The following HERC3 variants were observed in gnomAD, a reference collection of about 807,000 sequenced individuals.
HERC3 encodes the protein HECT and RLD domain containing E3 ubiquitin protein ligase 3.
Under a neutral mutation model 129.9 loss-of-function variants are expected in HERC3, and 58 were observed. The observed-to-expected ratio is 0.45, with a 90% CI of 0.36 to 0.56. The LOEUF (loss-of-function observed/expected upper bound fraction) is 0.56, where lower values mean the gene tolerates loss of function less well. Among genes scored for constraint, HERC3 ranks in the 20% least tolerant of loss-of-function variants. HERC3 has a pLI of 0.00. For synonymous variants in HERC3, 430 were observed against 451.0 expected (o/e 0.95, Z 0.59); for missense variants, 835 against 1,244.2 (o/e 0.67, Z 4.95).
At chr4:88,701,570 T>A (rs2924925) in intron 23 of HERC3, among the ~76,000 whole-genome samples, 4 of 151,890 alleles carry the variant, frequency 2.6e-5, no homozygotes, top group African/African-American at 9.7e-5. Context: ...CAAACATTTG[T>A]ATATATGATC....
At chr4:88,665,563 T>C (rs1323288950) in intron 12 of HERC3, among the ~76,000 whole-genome samples, 1 of 152,228 alleles carries the variant, frequency 6.6e-6, no homozygotes, top group Non-Finnish European at 1.5e-5. Flanking sequence ...TTTTCTTTAC[T>C]TAGTCACTAA....
In HERC3 at chr4:88,646,180, A is replaced by G. The variant is rs73844054; in HGVS notation, c.227-3660A>G. On this transcript the variant is annotated intron_variant, in intron 3 of 25. Transcript: ENST00000402738. ...CAACAACCCTGTGCCCTTGCCTTAC[A>G]GGGTTGTTGCAAGGCTTAAGAATCT... Among the ~76,000 whole-genome samples, 68 of 152,328 alleles carry G rather than the reference A, an allele frequency of 4.5e-4. 1 individual carries two copies. Among genetic ancestry groups the G allele is most frequent in the African/African-American group, 1.4e-3 (59 of 41,576 alleles).
chr4:88,598,681 C>G (rs1023879583), intron 2 of HERC3, among the ~76,000 whole-genome samples: 2 of 152,198 alleles, frequency 1.3e-5, no homozygotes, highest in South Asian at 2.1e-4. Context: ...AACACTCTAG[C>G]ACCTTCTCCT....
intron 21 of HERC3, among the ~76,000 whole-genome samples, chr4:88,686,185 C>T (rs935413330): frequency 9.2e-5 from 14 of 152,086 alleles, no homozygotes; most frequent in African/African-American, 1.4e-4. Context: ...TTATGTGTGG[C>T]CCAAGGCAAT....
At chr4:88,615,342 A>G (rs1724790419) in intron 3 of HERC3, among the ~76,000 whole-genome samples, 1 of 152,108 alleles carries the variant, frequency 6.6e-6, no homozygotes, top group Admixed American at 6.6e-5. Flanking sequence ...GGCTACTGGA[A>G]TTCTTTGTAT....
chr4:88,654,039 T>C lies in HERC3; in HGVS notation c.686-3T>C, dbSNP rs1472116120. ...TGATATTCTGATATTTAATTTATTC[T>C]AGATCGAGAATCTCCATGCCATGTA... On this transcript the variant is annotated splice_polypyrimidine_tract_variant and splice_region_variant and intron_variant, in intron 6 of 25. Coordinates refer to ENST00000402738, the MANE Select transcript of HERC3 (RefSeq NM_014606.3). 6 of 1,600,638 alleles carry C rather than the reference T, an allele frequency of 3.7e-6. No homozygotes were observed. The highest frequency in any genetic ancestry group is 5.1e-6 in the Non-Finnish European group (6 of 1,168,212).
intron 2 of HERC3, among the ~76,000 whole-genome samples, chr4:88,602,960 T>A (rs1191822608): frequency 6.6e-6 from 1 of 152,228 alleles, no homozygotes; most frequent in Non-Finnish European, 1.5e-5. Context: ...CTCTGAGGGC[T>A]TATTTTCAAG....
intron 2 of HERC3, among the ~76,000 whole-genome samples, chr4:88,599,736 C>G (rs1186038727): frequency 6.6e-6 from 1 of 152,180 alleles, no homozygotes; most frequent in African/African-American, 2.4e-5. Flanking sequence ...CCCTAGAAAC[C>G]AAGTTATTTA....
intron 2 of HERC3, among the ~76,000 whole-genome samples, chr4:88,604,514 G>A (rs116710855): frequency 6.6e-6 from 1 of 152,160 alleles, no homozygotes; most frequent in Non-Finnish European, 1.5e-5. Context: ...TCTATTGCCT[G>A]TTCTATACAT....
chr4:88,535,919 A>T, the HERC3 span, among the ~76,000 whole-genome samples: 1 of 152,378 alleles, frequency 6.6e-6, no homozygotes, highest in Admixed American at 6.5e-5. Context: ...GTCATAATGT[A>T]AGATAGAAAG....
intron 3 of HERC3, among the ~76,000 whole-genome samples, chr4:88,637,001 C>T (rs181960451): frequency 8.5e-5 from 13 of 152,214 alleles, no homozygotes; most frequent in African/African-American, 2.6e-4. Context: ...TGGCAGTGTG[C>T]GCCTGTAGTC....
chr4:88,620,094 G>T (rs1198392546), intron 3 of HERC3, among the ~76,000 whole-genome samples: 2 of 152,170 alleles, frequency 1.3e-5, no homozygotes, highest in African/African-American at 4.8e-5. Flanking sequence ...TTAATATATA[G>T]CATAAGGAAA....
At chr4:88,664,837 C>T (rs1014604291) in intron 12 of HERC3, among the ~76,000 whole-genome samples, 2 of 152,018 alleles carry the variant, frequency 1.3e-5, no homozygotes, top group African/African-American at 4.8e-5. Context: ...TAGGTCCAGC[C>T]CAGCTCACCA....
the HERC3 span, among the ~76,000 whole-genome samples, chr4:88,543,193 C>T: frequency 2.0e-5 from 3 of 152,328 alleles, no homozygotes; most frequent in Admixed American, 1.3e-4. Flanking sequence ...AAGATCCCCT[C>T]ATCTCAGCCC....
In HERC3 at chr4:88,633,498, T is replaced by G. The variant is rs1727003055; in HGVS notation, c.227-16342T>G. 1.3e-5 allele frequency among the ~76,000 whole-genome samples: 2 copies of G among 152,202 alleles called. 1 individual carries two copies. The highest frequency in any genetic ancestry group is 1.3e-4 in the Admixed American group (2 of 15,278). The stretch of plus-strand genomic sequence containing the variant: ...TCTAAGTAAGCTCTGAAAAGATAAT[T>G]ATTGTAATTCCTGGAACAATCACTT... On this transcript the variant is annotated intron_variant, in intron 3 of 25. Transcript: ENST00000402738.
intron 22 of HERC3, 46 bp from the exon 23 acceptor site, chr4:88,687,171 A>G (rs1733568438): frequency 7.0e-7 from 1 of 1,438,722 alleles, no homozygotes. Flanking sequence ...AGAAAGATGA[A>G]TGGTTAACAA....
chr4:88,537,100 C>T, the HERC3 span, among the ~76,000 whole-genome samples: 76 of 152,302 alleles, frequency 5.0e-4, no homozygotes, highest in African/African-American at 1.7e-3. Flanking sequence ...TATTCTCTTA[C>T]ATCACCACAG....
At chr4:88,663,242 C>T (rs943119696) in intron 11 of HERC3, among the ~76,000 whole-genome samples, 4 of 152,102 alleles carry the variant, frequency 2.6e-5, no homozygotes, top group East Asian at 1.9e-4. Context: ...ATGACCAGGA[C>T]GCTACACTTT....
chr4:88,607,994 T>C (rs1723861177), intron 3 of HERC3, among the ~76,000 whole-genome samples: 1 of 152,238 alleles, frequency 6.6e-6, no homozygotes, highest in African/African-American at 2.4e-5. Context: ...TTCCAGACAC[T>C]GAAGCTTCAT....
Sources: gnomAD v4.1 joint callset for allele counts (sites outside exome capture counted in the v4.1 genomes callset) on GRCh38, gnomAD v4.1.1 for gene constraint, MANE v1.5 for transcripts, NCBI Gene and HGNC (gene_info 2026-07-23, HGNC 2026-07-21) for gene names.